Variants in CYP27C1 observed in about 807,000 individuals in gnomAD.
CYP27C1 encodes the protein cytochrome P450 27C1.
In CYP27C1, 29 loss-of-function variants were observed where a neutral mutation model predicts 40.6. That is an observed-to-expected ratio of 0.71 (90% confidence interval 0.53 to 0.97). The LOEUF is 0.97. CYP27C1 is among the 50% of genes least tolerant of loss of function. The probability of loss-of-function intolerance (pLI) is 0.00; values close to 1 mark genes in which losing one functional copy is unlikely to be tolerated. For missense variants in CYP27C1, 390 were observed against 485.8 expected (o/e 0.80, Z 1.85); for synonymous variants, 198 against 186.8 (o/e 1.06, Z -0.49).
Position 127,219,886 on chromosome 2 carries a change from G to T in CYP27C1, c.282+103C>A, listed in dbSNP as rs1683514937. On this transcript the variant is annotated intron_variant, in intron 1 of 8. Transcript: ENST00000664447. This position sits in a 1 kb window ranked among gnomAD's most constrained non-coding sequence, Gnocchi z 8.7. ...GATCCCTGCCCGCCGCCCCTCCCTGGGACTCCCCAACCCCGCGCCCCTCCC... is the reference window on the plus strand; with the variant it reads ...GATCCCTGCCCGCCGCCCCTCCCTGTGACTCCCCAACCCCGCGCCCCTCCC... 1 of 152,024 alleles carries T rather than the reference G, an allele frequency of 6.6e-6. No homozygotes were observed. The highest frequency in any genetic ancestry group is 1.5e-5 in the Non-Finnish European group (1 of 68,192). The allele number at this position is 152,024 out of a possible 1,614,324, so 9.4% of individuals were successfully genotyped here. A position where few individuals can be genotyped will look rare whatever the true frequency, so the allele number is the denominator to read the frequency against.
Position 127,195,797 on chromosome 2 carries a change from C to T in CYP27C1, c.1048-296G>A, listed in dbSNP as rs1218934923. Among the ~76,000 whole-genome samples the T allele has an allele frequency of 3.9e-5, 6 of 152,158 alleles. No individual in the cohort carries two copies. Among genetic ancestry groups the T allele is most frequent in the South Asian group, 2.1e-4 (1 of 4,832 alleles). ...ATGATCCTGGAGCTTTTTTTAATCA[C>T]TGAAGAGCAATATGTCAGGGATGCC... On this transcript the variant is annotated intron_variant, in intron 5 of 8. Coordinates refer to ENST00000664447, the MANE Select transcript of CYP27C1 (RefSeq NM_001367502.1). The surrounding 1 kb of genome is among the most constrained non-coding windows in gnomAD (Gnocchi z 6.2).
At chr2:127,187,440 C>T in intron 8 of CYP27C1, 53 bp from the exon 9 acceptor site, 1 of 1,483,434 alleles carries the variant, frequency 6.7e-7, no homozygotes. Context: ...AGAAAATTCT[C>T]AGTGCTCCCT....
intron 1 of CYP27C1, among the ~76,000 whole-genome samples, chr2:127,214,785 T>G (rs1231693921): frequency 1.4e-5 from 2 of 141,992 alleles, no homozygotes; most frequent in Non-Finnish European, 1.6e-5. Context: ...GTTTTTTGTT[T>G]TTTTTTTTTT....
rs1362442095 is a variant in CYP27C1, at chr2:127,195,504, A to C, written c.1048-3T>G. The C allele has an allele frequency of 6.2e-7, 1 of 1,613,494 alleles. No homozygotes were observed. The highest frequency in any genetic ancestry group is 1.3e-5 in the African/African-American group (1 of 74,892). ...GTCCAAGACAAGGTGAAGGACGTCTAAGGAGAGAAAGTGGCAGACACAGGC... is the reference window on the plus strand; with the variant it reads ...GTCCAAGACAAGGTGAAGGACGTCTCAGGAGAGAAAGTGGCAGACACAGGC... On this transcript the variant is annotated splice_polypyrimidine_tract_variant and splice_region_variant and intron_variant, in intron 5 of 8. Transcript: ENST00000664447. The surrounding 1 kb of genome is among the most constrained non-coding windows in gnomAD (Gnocchi z 6.2).
chr2:127,203,743 CAGCCCTGG>C (rs1431549746), intron 2 of CYP27C1, among the ~76,000 whole-genome samples, 172 bp from the exon 3 acceptor site: 2 of 152,192 alleles, frequency 1.3e-5, no homozygotes, highest in South Asian at 2.1e-4. Flanking sequence ...TTAATAACTG[CAGCCCTGG>C]AGCCTGTTAG....
chr2:127,205,703 T>C, intron 2 of CYP27C1, 197 bp downstream of exon 2: 1 of 985,502 alleles, frequency 1.0e-6, no homozygotes, highest in Non-Finnish European at 1.2e-6. Flanking sequence ...GGGACAACTC[T>C]GCACGGAGGA....
In CYP27C1 at chr2:127,184,140, CAACA is replaced by C. The variant is rs1682563543; in HGVS notation, c.*3127_*3130del. On this transcript the variant is annotated 3_prime_UTR_variant, in exon 9 of 9. Coordinates refer to ENST00000664447, the MANE Select transcript of CYP27C1 (RefSeq NM_001367502.1). Reference sequence around the variant, plus strand: ...TTTTAAAACATAACTACCATTATCACAACAAAAAAATTAACAGTAATTCCCAAAT... The same window carrying C: ...TTTTAAAACATAACTACCATTATCACAAAAAATTAACAGTAATTCCCAAAT... 1 of 152,154 alleles carries C rather than the reference CAACA, an allele frequency of 6.6e-6. No individual in the cohort carries two copies. Among genetic ancestry groups the C allele is most frequent in the East Asian group, 1.9e-4 (1 of 5,200 alleles). The allele number at this position is 152,154 out of a possible 1,614,324, so 9.4% of individuals were successfully genotyped here.
In CYP27C1 at chr2:127,204,616, A is replaced by AGAAG. The variant is rs1683182174; in HGVS notation, c.474-1046_474-1045insCTTC. ...AAGAAAGAAAGAAAGAAAGAAAGAA[A>AGAAG]GAAAGAAAGAAGACTGCAGCTTGTT... On this transcript the variant is annotated intron_variant, in intron 2 of 8. Transcript: ENST00000664447. Among the ~76,000 whole-genome samples the AGAAG allele has an allele frequency of 1.4e-4, 15 of 103,620 alleles. 1 individual carries two copies. Among genetic ancestry groups the AGAAG allele is most frequent in the Admixed American group, 6.8e-4 (6 of 8,794 alleles). 68.0% of individuals were successfully genotyped at this position (103,620 alleles called of 152,430 possible).
chr2:127,210,500 C>A (rs375049967), intron 1 of CYP27C1, among the ~76,000 whole-genome samples: 71 of 152,202 alleles, frequency 4.7e-4, no homozygotes, highest in African/African-American at 1.7e-3. Flanking sequence ...GGATCAAATT[C>A]GCACATAACA....
intron 1 of CYP27C1, among the ~76,000 whole-genome samples, chr2:127,211,486 C>T (rs944142908): frequency 6.7e-6 from 1 of 149,822 alleles, no homozygotes; most frequent in Non-Finnish European, 1.5e-5. Flanking sequence ...GGGTTCATGC[C>T]ATTCTCCTGC....
chr2:127,189,634 A>AAAAG (rs1682719278), intron 8 of CYP27C1, among the ~76,000 whole-genome samples: 1 of 151,960 alleles, frequency 6.6e-6, no homozygotes, highest in Non-Finnish European at 1.5e-5. Flanking sequence ...AAAAAAAAAA[A>AAAAG]AAAAGAAAGG....
chr2:127,213,318 A>AAC (rs1553504179), intron 1 of CYP27C1, among the ~76,000 whole-genome samples: 8 of 151,432 alleles, frequency 5.3e-5, no homozygotes, highest in East Asian at 1.9e-4. Context: ...AAAAAAAAAA[A>AAC]CTTAAATTTC....
Position 127,201,097 on chromosome 2 carries a change from A to T in CYP27C1, c.883+25T>A, listed in dbSNP as rs758384540. 3 of 1,607,132 alleles carry T rather than the reference A, an allele frequency of 1.9e-6. No individual in the cohort carries two copies. Among genetic ancestry groups the T allele is most frequent in the Non-Finnish European group, 2.6e-6 (3 of 1,175,948 alleles). On this transcript the variant is annotated intron_variant, in intron 4 of 8. Transcript: ENST00000664447. This position sits in a 1 kb window ranked among gnomAD's most constrained non-coding sequence, Gnocchi z 6.0. Reference sequence around the variant, plus strand: ...ACGGCAGGTCAACCTGCTTCTGCAAAAGGTGCTCTCAATTCTTCTCTTACT... The same window carrying T: ...ACGGCAGGTCAACCTGCTTCTGCAATAGGTGCTCTCAATTCTTCTCTTACT...
At position 127,209,669 on chromosome 2, in the gene CYP27C1, A is replaced by G. The variant is rs1683299921; in HGVS notation, c.283-3579T>C. 6.6e-6 allele frequency among the ~76,000 whole-genome samples: 1 copy of G among 152,246 alleles called. No homozygotes were observed. Among genetic ancestry groups the G allele is most frequent in the African/African-American group, 2.4e-5 (1 of 41,470 alleles). On this transcript the variant is annotated intron_variant, in intron 1 of 8. Transcript: ENST00000664447. The surrounding 1 kb of genome is among the most constrained non-coding windows in gnomAD (Gnocchi z 4.1). ...GAATAACCAGTTTAGAGAGGAACATAAATGACCAGATGGAGCTGAAAAACA... is the reference window on the plus strand; with the variant it reads ...GAATAACCAGTTTAGAGAGGAACATGAATGACCAGATGGAGCTGAAAAACA...
At position 127,219,573 on chromosome 2, in the gene CYP27C1, C is replaced by T. The variant is rs902661897; in HGVS notation, c.282+416G>A. Among the ~76,000 whole-genome samples, 2 of 151,918 alleles carry T rather than the reference C, an allele frequency of 1.3e-5. No individual in the cohort carries two copies. Among genetic ancestry groups the T allele is most frequent in the Non-Finnish European group, 2.9e-5 (2 of 67,916 alleles). ...CTCCCCAGGGGTCCCGGCTGGGGCC[C>T]CTCCAGGGGACCCCTCCCTGCCGCC... On this transcript the variant is annotated intron_variant, in intron 1 of 8. Coordinates refer to ENST00000664447, the MANE Select transcript of CYP27C1 (RefSeq NM_001367502.1). This position sits in a 1 kb window ranked among gnomAD's most constrained non-coding sequence, Gnocchi z 8.7.
intron 1 of CYP27C1, among the ~76,000 whole-genome samples, chr2:127,214,467 C>G (rs527381077): frequency 7.3e-4 from 111 of 152,278 alleles, no homozygotes; most frequent in African/African-American, 2.6e-3. Context: ...GGCACATATA[C>G]ACCATGGAAT....
intron 3 of CYP27C1, among the ~76,000 whole-genome samples, chr2:127,202,199 AC>A (rs1420853561): frequency 6.7e-6 from 1 of 149,336 alleles, no homozygotes; most frequent in African/African-American, 2.5e-5. Context: ...GTCTTGGCTC[AC>A]TGCAACCTCC....
intron 3 of CYP27C1, among the ~76,000 whole-genome samples, chr2:127,202,374 C>T (rs1325883363): frequency 6.6e-6 from 1 of 152,218 alleles, no homozygotes; most frequent in Non-Finnish European, 1.5e-5. Flanking sequence ...GATCCACCCG[C>T]CTCGGCCTCC....
chr2:127,206,386 G>T (rs1424853683), intron 1 of CYP27C1, among the ~76,000 whole-genome samples: 1 of 152,038 alleles, frequency 6.6e-6, no homozygotes, highest in Non-Finnish European at 1.5e-5. Flanking sequence ...ATAGCTCACC[G>T]CAGCCTCCAA....
Sources: gnomAD v4.1 joint callset for allele counts (sites outside exome capture counted in the v4.1 genomes callset) on GRCh38, gnomAD v4.1.1 for gene constraint, Gnocchi (gnomAD v3.1) non-coding constraint, MANE v1.5 for transcripts, NCBI Gene and HGNC (gene_info 2026-07-23, HGNC 2026-07-21) for gene names.